FRMD3: variants seen among roughly 807,000 people sequenced by gnomAD.
FRMD3 encodes FERM domain containing 3.
A neutral mutation model predicts 70.2 loss-of-function variants in FRMD3; 33 were observed. That is an observed-to-expected ratio of 0.47 (90% CI 0.36 to 0.63). FRMD3 has a LOEUF of 0.63. Ranked by LOEUF, FRMD3 falls within the 20% of genes least tolerant of loss-of-function variation. The probability of loss-of-function intolerance (pLI) is 0.00; values close to 1 mark genes in which losing one functional copy is unlikely to be tolerated. For synonymous variants in FRMD3, 279 were observed against 255.9 expected, an observed-to-expected ratio of 1.09 and a Z score of -0.86; for missense variants, 632 against 711.4, an observed-to-expected ratio of 0.89 and a Z score of 1.27.
At chr9:83,436,818 G>A (rs1187784974) in intron 1 of FRMD3, among the ~76,000 whole-genome samples, 1 of 147,852 alleles carries the variant, frequency 6.8e-6, no homozygotes, top group Non-Finnish European at 1.5e-5. Context: ...AGCTAGACAG[G>A]AAAAGAATAC....
intron 1 of FRMD3, among the ~76,000 whole-genome samples, chr9:83,488,639 T>G (rs1828739763): frequency 6.6e-6 from 1 of 152,160 alleles, no homozygotes; most frequent in Admixed American, 6.5e-5. Flanking sequence ...AAATTCACTT[T>G]CTCCACAAAG....
chr9:83,492,759 A>G (rs528037745), intron 1 of FRMD3, among the ~76,000 whole-genome samples: 1 of 152,250 alleles, frequency 6.6e-6, no homozygotes, highest in African/African-American at 2.4e-5. Context: ...CACAATTTGC[A>G]TGGGTCTCCT....
At chr9:83,321,173 A>C (rs1040061002) in intron 6 of FRMD3, among the ~76,000 whole-genome samples, 1 of 151,972 alleles carries the variant, frequency 6.6e-6, no homozygotes, top group Non-Finnish European at 1.5e-5. Flanking sequence ...GTAATTTTTT[A>C]TCTCCATTTC....
At chr9:83,341,458 C>CT (rs1823755680) in intron 5 of FRMD3, among the ~76,000 whole-genome samples, 1 of 151,996 alleles carries the variant, frequency 6.6e-6, no homozygotes, top group Admixed American at 6.6e-5. Context: ...TCACTAATGC[C>CT]TAAATGCATT....
chr9:83,507,366 CAAAAAA>C (rs61570991), intron 1 of FRMD3, among the ~76,000 whole-genome samples: 1 of 46,768 alleles, frequency 2.1e-5, no homozygotes. Context: ...GACTCCGTCT[CAAAAAA>C]AAAAAAAAAA....
intron 6 of FRMD3, among the ~76,000 whole-genome samples, chr9:83,329,912 T>C (rs1836185345): frequency 6.6e-6 from 1 of 152,172 alleles, no homozygotes; most frequent in African/African-American, 2.4e-5. Context: ...AGGAAATACC[T>C]CCAGCAAAGT....
chr9:83,377,132 A>G (rs1009031466), intron 2 of FRMD3, among the ~76,000 whole-genome samples: 2 of 152,216 alleles, frequency 1.3e-5, no homozygotes, highest in African/African-American at 4.8e-5. Context: ...CTAAGATACT[A>G]AGAGACAGCC....
chr9:83,310,584 A>G, intron 8 of FRMD3, 36 bp from the exon 9 acceptor site: 1 of 1,540,546 alleles, frequency 6.5e-7, no homozygotes, highest in Non-Finnish European at 8.8e-7. Flanking sequence ...GAAGAAAAAA[A>G]GTGGCAGCTA....
chr9:83,389,767 A>AG, intron 1 of FRMD3, 59 bp from the exon 2 acceptor site: 1 of 1,216,468 alleles, frequency 8.2e-7, no homozygotes, highest in South Asian at 1.2e-5. Flanking sequence ...TCACGTCCTC[A>AG]GGGAGCCTTG....
At chr9:83,489,077 A>G (rs35561467) in intron 1 of FRMD3, among the ~76,000 whole-genome samples, 1 of 151,342 alleles carries the variant, frequency 6.6e-6, no homozygotes, top group Non-Finnish European at 1.5e-5. Flanking sequence ...GGAGGTATCT[A>G]TTTACCATAT....
intron 1 of FRMD3, among the ~76,000 whole-genome samples, chr9:83,407,091 C>T (rs1291501374): frequency 1.3e-5 from 2 of 152,174 alleles, no homozygotes; most frequent in Non-Finnish European, 2.9e-5. Context: ...CCCACACCCT[C>T]GCTGACCTTT....
At chr9:83,563,581 A>G in the FRMD3 span, among the ~76,000 whole-genome samples, 1 of 151,996 alleles carries the variant, frequency 6.6e-6, no homozygotes, top group Non-Finnish European at 1.5e-5. Flanking sequence ...TGGTTCCATT[A>G]CCATCTGTTC....
chr9:83,261,741 T>C (rs2118700050), intron 13 of FRMD3, among the ~76,000 whole-genome samples: 1 of 152,194 alleles, frequency 6.6e-6, no homozygotes, highest in Non-Finnish European at 1.5e-5. Flanking sequence ...TCAGCTAAGT[T>C]TGGGAAACTG....
chr9:83,258,004 G>A (rs370946252), intron 13 of FRMD3, among the ~76,000 whole-genome samples: 1 of 152,116 alleles, frequency 6.6e-6, no homozygotes, highest in East Asian at 1.9e-4. Context: ...TTAATTTGAA[G>A]AAATACTGTA....
In FRMD3 at chr9:83,261,812, C is replaced by T. The variant is rs193227965; in HGVS notation, c.1196-13296G>A. Among the ~76,000 whole-genome samples, 249 of 152,280 alleles carry T rather than the reference C, an allele frequency of 1.6e-3. 1 individual carries two copies. Among genetic ancestry groups the T allele is most frequent in the Non-Finnish European group, 2.9e-3 (199 of 68,006 alleles). ...GTTAAAAATCCAAACTCTGAAGTCA[C>T]CTTTCTGGGTTCGAATCCTGGCTTT... On this transcript the variant is annotated intron_variant, in intron 13 of 13. Transcript: ENST00000304195.
At chr9:83,277,719 G>A (rs1326744077) in intron 13 of FRMD3, among the ~76,000 whole-genome samples, 3 of 152,118 alleles carry the variant, frequency 2.0e-5, no homozygotes, top group Non-Finnish European at 2.9e-5. Context: ...TTGACTTCTG[G>A]CAAACCCTAA....
intron 1 of FRMD3, among the ~76,000 whole-genome samples, chr9:83,416,737 TTCTCTCTGTCTCTCTCTCTC>T (rs1826453678): frequency 2.5e-5 from 2 of 80,988 alleles, no homozygotes; most frequent in African/African-American, 9.2e-5. Context: ...CCTAAAACAT[TTCTCTCTGTCTCTCTCTCTC>T]TCTCTCTCTC....
intron 1 of FRMD3, among the ~76,000 whole-genome samples, chr9:83,424,439 A>T (rs538091080): frequency 6.6e-6 from 1 of 152,358 alleles, no homozygotes; most frequent in Non-Finnish European, 1.5e-5. Context: ...GATTTCCTTA[A>T]GAGAAAGCCT....
intron 1 of FRMD3, among the ~76,000 whole-genome samples, chr9:83,528,321 G>A (rs993612701): frequency 1.4e-5 from 2 of 142,214 alleles, no homozygotes; most frequent in African/African-American, 5.3e-5. Context: ...ACACACACAC[G>A]TGCATAGTTA....
Sources: gnomAD v4.1 joint callset for allele counts (sites outside exome capture counted in the v4.1 genomes callset) on GRCh38, gnomAD v4.1.1 for gene constraint, MANE v1.5 for transcripts, NCBI Gene and HGNC (gene_info 2026-07-23, HGNC 2026-07-21) for gene names.